The following NPRL3 variants were observed in gnomAD, a reference collection of about 807,000 sequenced individuals.
NPRL3 encodes the protein NPR3 like, GATOR1 complex subunit.
Under a neutral mutation model 57.2 loss-of-function variants are expected in NPRL3, and 23 were observed. That is an observed-to-expected ratio of 0.40 (90% confidence interval 0.29 to 0.57). The LOEUF (loss-of-function observed/expected upper bound fraction) is 0.57, where lower values mean the gene tolerates loss of function less well. Ranked by LOEUF, NPRL3 falls within the 20% of genes least tolerant of loss-of-function variation. NPRL3 has a pLI of 0.42. For synonymous variants in NPRL3, 333 were observed against 321.1 expected, an observed-to-expected ratio of 1.04 and a Z score of -0.39; for missense variants, 691 against 767.1, an observed-to-expected ratio of 0.90 and a Z score of 1.17.
At chr16:133,582 G>T (rs1900916976) in intron 2 of NPRL3, among the ~76,000 whole-genome samples, 1 of 152,196 alleles carries the variant, frequency 6.6e-6, no homozygotes, top group African/African-American at 2.4e-5. Flanking sequence ...TGTTGCCCAG[G>T]CTAGATTTAA....
intron 8 of NPRL3, among the ~76,000 whole-genome samples, chr16:99,163 T>C (rs1157442970): frequency 6.6e-6 from 1 of 152,152 alleles, no homozygotes; most frequent in Admixed American, 6.5e-5. Context: ...AAAATATGCT[T>C]AGCTAGGATT....
chr16:133,144 G>A (rs1232055406), intron 2 of NPRL3, among the ~76,000 whole-genome samples: 1 of 152,168 alleles, frequency 6.6e-6, no homozygotes, highest in Non-Finnish European at 1.5e-5. Flanking sequence ...TATTGTGGCT[G>A]GCCTGATCTA....
At chr16:127,235 A>ATTTT (rs35559832) in intron 3 of NPRL3, 4 of 99,830 alleles carry the variant, frequency 4.0e-5, no homozygotes, top group South Asian at 3.5e-4. Flanking sequence ...GCACTGTCCA[A>ATTTT]TTTTTTTTTT....
chr16:134,995 C>A (rs563181083), intron 2 of NPRL3, among the ~76,000 whole-genome samples: 4 of 152,194 alleles, frequency 2.6e-5, no homozygotes, highest in African/African-American at 9.6e-5. Context: ...GCCACCGCGC[C>A]CGGCCAAGTC....
intron 3 of NPRL3, among the ~76,000 whole-genome samples, chr16:121,562 G>A (rs1900280195): frequency 6.6e-6 from 1 of 151,728 alleles, no homozygotes; most frequent in Admixed American, 6.6e-5. Flanking sequence ...AGAGGTTGCA[G>A]TGAGCGGAGA....
At chr16:105,729 G>A (rs1370298137) in intron 7 of NPRL3, among the ~76,000 whole-genome samples, 1 of 152,196 alleles carries the variant, frequency 6.6e-6, no homozygotes, top group Non-Finnish European at 1.5e-5. Flanking sequence ...GACCCCTAGC[G>A]GATGAGCTGT....
intron 6 of NPRL3, 59 bp downstream of exon 6, chr16:112,563 G>C: frequency 4.2e-6 from 6 of 1,413,808 alleles, no homozygotes; most frequent in Non-Finnish European, 5.6e-6. Context: ...AGAGGTCTGC[G>C]CTGCAGAGAG....
chr16:119,217 T>C lies in NPRL3; in HGVS notation c.227A>G (p.Lys76Arg). ...AAATTTTTGGCCACACATTTCAGAC[T>C]TGGTTGCCAAAATTGTTGCCAGAAT... The part of the protein sequence containing the change: ...DVILATILAT[K>R]SEMCGQKFEL... Residue 76 changes from lysine (K) to arginine (R), a missense_variant, in exon 4 of 14, where the codon AAG (lysine) becomes AGG (arginine). Coordinates refer to ENST00000611875, the MANE Select transcript of NPRL3 (RefSeq NM_001077350.3). 1 of 1,611,342 alleles carries C rather than the reference T, an allele frequency of 6.2e-7. No individual in the cohort carries two copies. The highest frequency in any genetic ancestry group is 2.2e-5 in the East Asian group (1 of 44,832).
intron 3 of NPRL3, among the ~76,000 whole-genome samples, chr16:129,966 G>A (rs1355954652): frequency 6.6e-6 from 1 of 152,142 alleles, no homozygotes; most frequent in Non-Finnish European, 1.5e-5. Flanking sequence ...TTCTACCCTG[G>A]TAGTGCCTCC....
At chr16:110,320 G>A (rs1899743399) in intron 7 of NPRL3, among the ~76,000 whole-genome samples, 1 of 151,644 alleles carries the variant, frequency 6.6e-6, no homozygotes, top group Non-Finnish European at 1.5e-5. Context: ...AAAAAAAAAC[G>A]GCCACCAAGG....
chr16:90,678 T>C (rs1044030829), intron 11 of NPRL3: 3 of 152,268 alleles, frequency 2.0e-5, no homozygotes, highest in Non-Finnish European at 1.5e-5. Flanking sequence ...CACATCTGTC[T>C]ACTCATCTCT....
Position 88,905 on chromosome 16 carries a change from G to C in NPRL3, c.1352-15C>G. 2 of 1,599,518 alleles carry C rather than the reference G, an allele frequency of 1.3e-6. No homozygotes were observed. Among genetic ancestry groups the C allele is most frequent in the Non-Finnish European group, 1.7e-6 (2 of 1,168,210 alleles). On this transcript the variant is annotated splice_polypyrimidine_tract_variant and intron_variant, in intron 12 of 13. Coordinates refer to ENST00000611875, the MANE Select transcript of NPRL3 (RefSeq NM_001077350.3). ...ATCGCTGCTGGCTGTGGGGGACATGGGTCAGGGTGACCAAGTGGAATTCCA... is the reference window on the plus strand; with the variant it reads ...ATCGCTGCTGGCTGTGGGGGACATGCGTCAGGGTGACCAAGTGGAATTCCA...
intron 6 of NPRL3, among the ~76,000 whole-genome samples, chr16:111,127 C>G (rs955049551): frequency 6.6e-6 from 1 of 151,908 alleles, no homozygotes; most frequent in Non-Finnish European, 1.5e-5. Flanking sequence ...TAACCGGGCG[C>G]GGTGGCTCAC....
chr16:98,411 AGGTATGCACCG>A (rs1462346802), intron 8 of NPRL3, 110 bp from the exon 9 acceptor site: 7 of 1,202,404 alleles, frequency 5.8e-6, no homozygotes, highest in African/African-American at 1.6e-5. Context: ...GTCCTGCACC[AGGTATGCACCG>A]GGTATGCACC....
At chr16:131,639 C>T (rs1268347388) in intron 2 of NPRL3, among the ~76,000 whole-genome samples, 1 of 148,226 alleles carries the variant, frequency 6.7e-6, no homozygotes, top group Non-Finnish European at 1.5e-5. Context: ...TCAGCTCAGC[C>T]TTCAGCAAAA....
chr16:119,798 T>C (rs964079322), intron 3 of NPRL3, among the ~76,000 whole-genome samples: 1 of 152,236 alleles, frequency 6.6e-6, no homozygotes, highest in African/African-American at 2.4e-5. Flanking sequence ...ATCCGTTCCC[T>C]TATCCCAAAC....
At chr16:124,214 C>T (rs1163079054) in intron 3 of NPRL3, among the ~76,000 whole-genome samples, 2 of 152,252 alleles carry the variant, frequency 1.3e-5, no homozygotes, top group Non-Finnish European at 2.9e-5. Flanking sequence ...GTCAAATTCT[C>T]ACACAGAAGT....
chr16:119,722 G>A (rs1031426934), intron 3 of NPRL3, among the ~76,000 whole-genome samples: 3 of 152,218 alleles, frequency 2.0e-5, no homozygotes, highest in Non-Finnish European at 4.4e-5. Context: ...CCGCGTGGAG[G>A]GCAAGGGGAC....
In NPRL3 at chr16:92,187, C is replaced by CA. The variant is rs1397301751; in HGVS notation, c.1161+408dup. 2.0e-5 allele frequency among the ~76,000 whole-genome samples: 3 copies of CA among 152,322 alleles called. No homozygotes were observed. The East Asian group carries it at 5.8e-4, about 29-fold the overall frequency. On this transcript the variant is annotated intron_variant, in intron 11 of 13. Coordinates refer to ENST00000611875, the MANE Select transcript of NPRL3 (RefSeq NM_001077350.3). ...GGAGTGAAGACAGAAGCAGAACTCT[C>CA]AGAGGGTCAGGCCTGGCCCAGTGAG...
Sources: gnomAD v4.1 joint callset for allele counts (sites outside exome capture counted in the v4.1 genomes callset) on GRCh38, gnomAD v4.1.1 for gene constraint, MANE v1.5 for transcripts, NCBI Gene and HGNC (gene_info 2026-07-23, HGNC 2026-07-21) for gene names.